ERC2: variants seen among roughly 807,000 people sequenced by gnomAD.
ERC2 encodes ERC protein 2.
A neutral mutation model predicts 114.8 loss-of-function variants in ERC2; 42 were observed. The observed-to-expected ratio is 0.37, with a 90% CI of 0.29 to 0.47. The LOEUF (loss-of-function observed/expected upper bound fraction) is 0.47. ERC2 is among the 20% of genes least tolerant of loss of function. ERC2 has a pLI of 0.99. For synonymous variants in ERC2, 454 were observed against 425.5 expected, an observed-to-expected ratio of 1.07 and a Z score of -0.82; for missense variants, 939 against 1,150.7, an observed-to-expected ratio of 0.82 and a Z score of 2.66.
intron 5 of ERC2, among the ~76,000 whole-genome samples, chr3:56,143,093 G>T (rs1027664721): frequency 2.0e-5 from 3 of 152,118 alleles, no homozygotes; most frequent in African/African-American, 7.2e-5. Context: ...CTTCCCTGGA[G>T]TCCCCTAGTC....
chr3:55,848,832 CA>C (rs1331303532), intron 14 of ERC2, among the ~76,000 whole-genome samples: 2 of 152,032 alleles, frequency 1.3e-5, no homozygotes, highest in Non-Finnish European at 2.9e-5. Flanking sequence ...CAAAACAAAA[CA>C]AAAAACAATC....
At chr3:55,969,432 CACA>C (rs1559951307) in intron 12 of ERC2, among the ~76,000 whole-genome samples, 16 of 150,286 alleles carry the variant, frequency 1.1e-4, no homozygotes, top group African/African-American at 3.7e-4. Flanking sequence ...CACACACACA[CACA>C]CCCTTCACCA....
chr3:55,742,614 GA>G (rs1398685111), intron 14 of ERC2, among the ~76,000 whole-genome samples: 1 of 152,154 alleles, frequency 6.6e-6, no homozygotes, highest in Non-Finnish European at 1.5e-5. Context: ...ATTGTGGGGG[GA>G]AAAAGTCCGC....
At chr3:56,042,538 AC>A (rs927057672) in intron 7 of ERC2, among the ~76,000 whole-genome samples, 21 of 152,220 alleles carry the variant, frequency 1.4e-4, no homozygotes, top group Admixed American at 1.1e-3. Flanking sequence ...ACATCATGAC[AC>A]CCTGTGGAAT....
intron 12 of ERC2, among the ~76,000 whole-genome samples, chr3:55,983,806 C>T (rs1300737832): frequency 1.3e-5 from 2 of 152,172 alleles, no homozygotes; most frequent in East Asian, 3.8e-4. Flanking sequence ...TATGCACACA[C>T]ATACATATGT....
intron 14 of ERC2, among the ~76,000 whole-genome samples, chr3:55,782,411 T>C (rs995589290): frequency 2.0e-5 from 3 of 152,158 alleles, no homozygotes; most frequent in African/African-American, 4.8e-5. Context: ...AGAAATCCTG[T>C]TTCCTATCCA....
chr3:55,790,059 C>T (rs2069865510), intron 14 of ERC2, among the ~76,000 whole-genome samples: 1 of 152,152 alleles, frequency 6.6e-6, no homozygotes, highest in South Asian at 2.1e-4. Context: ...AAGGCTCTCC[C>T]CCAAACATGA....
At chr3:55,757,308 A>G (rs6763853) in intron 14 of ERC2, among the ~76,000 whole-genome samples, 73,403 of 152,044 alleles carry the variant, frequency 0.48, 19,090 homozygotes, top group South Asian at 0.67. Context: ...CATAATGTAA[A>G]TTTGGAATTT....
At chr3:55,980,150 T>C (rs1033589004) in intron 12 of ERC2, among the ~76,000 whole-genome samples, 1 of 151,454 alleles carries the variant, frequency 6.6e-6, no homozygotes, top group Non-Finnish European at 1.5e-5. Context: ...AATAAAATAG[T>C]TGTACCCAAA....
chr3:56,137,417 G>A (rs2080572644), intron 6 of ERC2, among the ~76,000 whole-genome samples: 1 of 152,122 alleles, frequency 6.6e-6, no homozygotes, highest in Admixed American at 6.5e-5. Context: ...CTCCATTTAG[G>A]GTACCACAGC....
At chr3:56,318,961 CAAAA>C (rs35256298) in intron 2 of ERC2, among the ~76,000 whole-genome samples, 231 of 81,570 alleles carry the variant, frequency 2.8e-3, no homozygotes, top group African/African-American at 0.011. Context: ...GACCCTGTCT[CAAAA>C]AAAAAAAAAA....
chr3:55,850,029 C>T (rs1439982106), intron 14 of ERC2, among the ~76,000 whole-genome samples: 4 of 152,154 alleles, frequency 2.6e-5, no homozygotes, highest in East Asian at 1.9e-4. Flanking sequence ...GATGGAGAAA[C>T]CATTCCATGC....
intron 2 of ERC2, among the ~76,000 whole-genome samples, chr3:56,379,775 T>C (rs144486047): frequency 1.5e-3 from 226 of 152,118 alleles, no homozygotes; most frequent in African/African-American, 5.2e-3. Flanking sequence ...CAGAGATAAA[T>C]TCACCTACAA....
At chr3:55,774,600 C>G (rs1334942343) in intron 14 of ERC2, among the ~76,000 whole-genome samples, 1 of 152,222 alleles carries the variant, frequency 6.6e-6, no homozygotes, top group South Asian at 2.1e-4. Context: ...CTTTGCAGAG[C>G]CAGGCCTTCA....
intron 17 of ERC2, chr3:55,657,966 C>G (rs1046265711): frequency 1.3e-5 from 2 of 152,076 alleles, no homozygotes; most frequent in African/African-American, 4.8e-5. Context: ...CCCTGGAGCT[C>G]TGAGGTATAG....
intron 17 of ERC2, among the ~76,000 whole-genome samples, chr3:55,541,062 A>G (rs1422466887): frequency 6.6e-6 from 1 of 152,192 alleles, no homozygotes; most frequent in Non-Finnish European, 1.5e-5. Flanking sequence ...GAAAAGTCAG[A>G]TCCAAACTTT....
Position 55,927,182 on chromosome 3 carries a change from T to C in ERC2, c.2403+23243A>G, listed in dbSNP as rs992795675. Among the ~76,000 whole-genome samples, 4 of 152,200 alleles carry C rather than the reference T, an allele frequency of 2.6e-5. No individual in the cohort carries two copies. The South Asian group carries it at 6.2e-4, about 24-fold the overall frequency. On this transcript the variant is annotated intron_variant, in intron 13 of 17. Coordinates refer to ENST00000288221, the MANE Select transcript of ERC2 (RefSeq NM_015576.3). ...TCCTAAACTGTTCCCCAGAGCCTCC[T>C]GTTTCTTCCAAAAGGAAACATAAAC...
intron 2 of ERC2, among the ~76,000 whole-genome samples, chr3:56,404,830 C>T (rs2060651647): frequency 1.3e-5 from 2 of 151,862 alleles, no homozygotes; most frequent in Non-Finnish European, 2.9e-5. Flanking sequence ...ATATACAGCA[C>T]GTGCTATATA....
chr3:55,983,610 T>C (rs1461034487), intron 12 of ERC2, among the ~76,000 whole-genome samples: 1 of 152,156 alleles, frequency 6.6e-6, no homozygotes, highest in Non-Finnish European at 1.5e-5. Flanking sequence ...AAAAAGTAGT[T>C]GGAGGGAGAA....
Sources: allele counts gnomAD v4.1 joint callset (sites outside exome capture counted in the v4.1 genomes callset), GRCh38; gene constraint gnomAD v4.1.1; transcripts MANE v1.5; gene names NCBI Gene and HGNC (gene_info 2026-07-23, HGNC 2026-07-21).